Variants in MACROD2 observed in about 807,000 individuals in gnomAD.
MACROD2 encodes the protein mono-ADP ribosylhydrolase 2, also known as ADP-ribose glycohydrolase MACROD2.
In MACROD2, 36 loss-of-function variants were observed where a neutral mutation model predicts 70.4. The ratio of observed to expected loss-of-function variants is 0.51; its 90% CI spans 0.39 to 0.68. MACROD2 has a LOEUF of 0.68. MACROD2 is among the 30% of genes least tolerant of loss of function. MACROD2 has a pLI of 0.00. For missense variants in MACROD2, 496 were observed against 538.4 expected, an observed-to-expected ratio of 0.92 and a Z score of 0.78; for synonymous variants, 172 against 178.8, an observed-to-expected ratio of 0.96 and a Z score of 0.30.
Position 13,995,857 on chromosome 20 carries a change from T to TGGGGGGGGGGGGGGTTGGGGGG in MACROD2, c.46+53_46+54insGGGGGGGGGTTGGGGGGGGGGG. The TGGGGGGGGGGGGGGTTGGGGGG allele has an allele frequency of 3.5e-6, 1 of 284,134 alleles. No individual in the cohort carries two copies. The highest frequency in any genetic ancestry group is 4.5e-5 in the Admixed American group (1 of 22,400). 17.6% of individuals were successfully genotyped at this position (284,134 alleles called of 1,614,324 possible). A position where few individuals can be genotyped will look rare whatever the true frequency, so the allele number is the denominator to read the frequency against. On this transcript the variant is annotated intron_variant, in intron 1 of 17. Transcript: ENST00000684519. The surrounding 1 kb of genome is among the most constrained non-coding windows in gnomAD (Gnocchi z 4.3). ...GGGGTGCGGGCGGTGGGGGTTAGGG[T>TGGGGGGGGGGGGGGTTGGGGGG]GGGGGCGGGGGTCAGGCTGTGTGTG... is the stretch of plus-strand genomic sequence containing the variant.
chr20:14,890,770 T>TA (rs2073745611), intron 5 of MACROD2, among the ~76,000 whole-genome samples: 1 of 40,574 alleles, frequency 2.5e-5, no homozygotes, highest in South Asian at 1.0e-3. Flanking sequence ...AAAAAAAAAA[T>TA]AATAAAAATT....
intron 8 of MACROD2, among the ~76,000 whole-genome samples, chr20:15,524,520 G>T (rs2047695342): frequency 6.6e-6 from 1 of 151,980 alleles, no homozygotes; most frequent in Non-Finnish European, 1.5e-5. Flanking sequence ...CATATCTATG[G>T]GCCAGATATA....
At chr20:14,986,130 T>C (rs1600911108) in intron 5 of MACROD2, among the ~76,000 whole-genome samples, 1 of 152,200 alleles carries the variant, frequency 6.6e-6, no homozygotes, top group African/African-American at 2.4e-5. Flanking sequence ...TCCTGGGCCA[T>C]TGAAGACATG....
intron 4 of MACROD2, among the ~76,000 whole-genome samples, chr20:14,602,532 AAGTC>A (rs1322000952): frequency 6.6e-6 from 1 of 152,166 alleles, no homozygotes; most frequent in Non-Finnish European, 1.5e-5. Context: ...GACATTTAGA[AAGTC>A]AGTCATGAAA....
intron 5 of MACROD2, among the ~76,000 whole-genome samples, chr20:14,937,798 A>G (rs2074353868): frequency 3.9e-5 from 6 of 152,038 alleles, no homozygotes; most frequent in Admixed American, 3.9e-4. Flanking sequence ...ATGAAACTGT[A>G]TATTTGTACC....
At position 15,398,347 on chromosome 20, in the gene MACROD2, T is replaced by C. The variant is rs556884472; in HGVS notation, c.541-33058T>C. 5.3e-5 allele frequency among the ~76,000 whole-genome samples: 8 copies of C among 152,324 alleles called. No individual in the cohort carries two copies. The East Asian group carries it at 1.2e-3, about 22-fold the overall frequency. ...AAAAGGTTAAGTGCTCAGTATTACATTGTTATTAAGTAGTTTAGCTGGAAT... is the reference window on the plus strand; with the variant it reads ...AAAAGGTTAAGTGCTCAGTATTACACTGTTATTAAGTAGTTTAGCTGGAAT... On this transcript the variant is annotated intron_variant, in intron 6 of 17. Coordinates refer to ENST00000684519, the MANE Select transcript of MACROD2 (RefSeq NM_001351661.2).
At chr20:15,949,748 G>A (rs115325090) in intron 12 of MACROD2, among the ~76,000 whole-genome samples, 442 of 152,210 alleles carry the variant, frequency 2.9e-3, no homozygotes, top group African/African-American at 0.01. Context: ...AAATGCTTTT[G>A]TGGGCATCAC....
chr20:15,842,734 A>ATAGATAGATAGT (rs1416164713), intron 8 of MACROD2, among the ~76,000 whole-genome samples: 1 of 36,372 alleles, frequency 2.7e-5, no homozygotes, highest in Non-Finnish European at 4.7e-5. Context: ...AGATAGATAG[A>ATAGATAGATAGT]TAGATAGATA....
chr20:14,196,284 C>A lies in MACROD2; in HGVS notation c.271+110556C>A, dbSNP rs559050340. Among the ~76,000 whole-genome samples, 6 of 152,256 alleles carry A rather than the reference C, an allele frequency of 3.9e-5. No homozygotes were observed. In the South Asian group the frequency reaches 1.2e-3, roughly 32 times the overall value. On this transcript the variant is annotated intron_variant, in intron 3 of 17. Coordinates refer to ENST00000684519, the MANE Select transcript of MACROD2 (RefSeq NM_001351661.2). ...AATATCCTCTTCACTTCAATGCCACCCCAGATAGATCTGTGATATGCAAAT... is the reference window on the plus strand; with the variant it reads ...AATATCCTCTTCACTTCAATGCCACACCAGATAGATCTGTGATATGCAAAT...
chr20:14,986,739 A>G (rs2122855716), intron 5 of MACROD2, among the ~76,000 whole-genome samples: 1 of 152,302 alleles, frequency 6.6e-6, no homozygotes, highest in Admixed American at 6.5e-5. Flanking sequence ...GAGGAGAGTG[A>G]TCAGGGCTCA....
intron 3 of MACROD2, among the ~76,000 whole-genome samples, chr20:14,350,362 C>A (rs551011698): frequency 2.0e-5 from 3 of 152,118 alleles, no homozygotes; most frequent in Admixed American, 1.3e-4. Flanking sequence ...TATGATGGTT[C>A]CCTTTTTCTC....
chr20:15,578,685 G>A (rs1258679177), intron 8 of MACROD2, among the ~76,000 whole-genome samples: 1 of 22,994 alleles, frequency 4.3e-5, no homozygotes, highest in East Asian at 9.3e-4. Context: ...GGGGCTCCTA[G>A]GGTGTCGATA....
chr20:15,304,548 C>A (rs141846386), intron 6 of MACROD2, among the ~76,000 whole-genome samples: 7 of 152,218 alleles, frequency 4.6e-5, no homozygotes, highest in Non-Finnish European at 5.9e-5. Context: ...AGTACCCCTC[C>A]CCATCTCTTT....
intron 5 of MACROD2, among the ~76,000 whole-genome samples, chr20:14,938,439 A>G (rs970273790): frequency 6.6e-5 from 10 of 152,156 alleles, no homozygotes; most frequent in African/African-American, 2.4e-4. Context: ...TTCTCTGATG[A>G]TTAGTCATAT....
chr20:15,392,513 A>G (rs1568771859), intron 6 of MACROD2, among the ~76,000 whole-genome samples: 1 of 152,194 alleles, frequency 6.6e-6, no homozygotes, highest in East Asian at 1.9e-4. Flanking sequence ...GTTTTTGCAT[A>G]ATCAGTGTCA....
chr20:14,896,230 G>A (rs968283647), intron 5 of MACROD2, among the ~76,000 whole-genome samples: 7 of 152,120 alleles, frequency 4.6e-5, no homozygotes, highest in African/African-American at 1.4e-4. Flanking sequence ...TGGAGGCAGA[G>A]GTTGCAGTGA....
At chr20:15,704,959 G>A (rs2050512188) in intron 8 of MACROD2, among the ~76,000 whole-genome samples, 1 of 152,134 alleles carries the variant, frequency 6.6e-6, no homozygotes, top group South Asian at 2.1e-4. Context: ...CACCCATAGA[G>A]GTGAAATATA....
intron 8 of MACROD2, among the ~76,000 whole-genome samples, chr20:15,616,307 T>C (rs2049038500): frequency 1.3e-5 from 2 of 152,096 alleles, no homozygotes; most frequent in African/African-American, 4.8e-5. Context: ...TTTTGCCATG[T>C]TGGCCAGGCT....
intron 9 of MACROD2, among the ~76,000 whole-genome samples, chr20:15,873,980 A>G (rs992649726): frequency 3.3e-5 from 5 of 152,020 alleles, no homozygotes; most frequent in African/African-American, 7.2e-5. Context: ...TTTGTTACAT[A>G]GGTATACATG....
Sources: allele counts gnomAD v4.1 joint callset (sites outside exome capture counted in the v4.1 genomes callset), GRCh38; gene constraint gnomAD v4.1.1; non-coding constraint Gnocchi (gnomAD v3.1); transcripts MANE v1.5; gene names NCBI Gene and HGNC (gene_info 2026-07-23, HGNC 2026-07-21).